TECR: variants seen among roughly 807,000 people sequenced by gnomAD.
The protein encoded by TECR is trans-2,3-enoyl-CoA reductase, also known as very-long-chain enoyl-CoA reductase.
A neutral mutation model predicts 50.6 loss-of-function variants in TECR; 19 were observed. The ratio of observed to expected loss-of-function variants is 0.38; its 90% CI spans 0.26 to 0.55. The LOEUF (loss-of-function observed/expected upper bound fraction) is 0.55. Among genes scored for constraint, TECR ranks in the 20% least tolerant of loss-of-function variants. The probability of loss-of-function intolerance (pLI) is 0.79; values close to 1 mark genes in which losing one functional copy is unlikely to be tolerated. For synonymous variants in TECR, 168 were observed against 163.5 expected (o/e 1.03, Z -0.21); for missense variants, 313 against 408.3 (o/e 0.77, Z 2.01).
chr19:14,558,060 T>G (rs1028708520), intron 1 of TECR, among the ~76,000 whole-genome samples: 5 of 152,154 alleles, frequency 3.3e-5, no homozygotes, highest in African/African-American at 1.2e-4. Flanking sequence ...CGGCCTATAT[T>G]TATCCTTAAT....
rs2073957692 is a variant in TECR, at chr19:14,563,228, C to T, written c.89C>T (p.Ala30Val). The T allele has an allele frequency of 1.3e-5, 21 of 1,613,648 alleles. No homozygotes were observed. The East Asian group carries it at 1.3e-4, about 10-fold the overall frequency. Reference sequence around the variant, plus strand: ...CAGGTGGAGCCCCACGCCACCATTGCGGAGATCAAGAACCTCTTCACTAAG... The same window carrying T: ...CAGGTGGAGCCCCACGCCACCATTGTGGAGATCAAGAACCTCTTCACTAAG... ...LDKVEPHATIAEIKNLFTKTH... is the reference protein window; with the variant it reads ...LDKVEPHATIVEIKNLFTKTH... Residue 30 changes from alanine to valine, a missense_variant, in exon 3 of 13, where the codon GCG (alanine) becomes GTG (valine). By Grantham distance (64) the Ala-to-Val change is moderately conservative. Coordinates refer to ENST00000215567, the MANE Select transcript of TECR (RefSeq NM_138501.6). The surrounding 1 kb of genome is among the most constrained non-coding windows in gnomAD (Gnocchi z 5.3).
At position 14,562,620 on chromosome 19, in the gene TECR, C is replaced by T. The variant is rs745314056; in HGVS notation, c.66+45C>T. The T allele has an allele frequency of 2.9e-5, 46 of 1,608,790 alleles. No homozygotes were observed. In the African/African-American group the frequency reaches 3.7e-4, roughly 13 times the overall value. ...TGCACTGGGCCAAGGGCACTGGGCC[C>T]GGGACCCCAATCCTTATAGCCCAGG... On this transcript the variant is annotated intron_variant, in intron 2 of 12. Coordinates refer to ENST00000215567, the MANE Select transcript of TECR (RefSeq NM_138501.6).
intron 1 of TECR, chr19:14,545,229 C>G (rs1475038959): frequency 2.2e-6 from 1 of 456,614 alleles, no homozygotes; most frequent in Non-Finnish European, 4.4e-6. Flanking sequence ...TGCTGCTTAG[C>G]TGCTCCCCCT....
intron 1 of TECR, among the ~76,000 whole-genome samples, chr19:14,539,393 CAAA>C (rs1205133227): frequency 3.3e-5 from 5 of 152,146 alleles, no homozygotes; most frequent in African/African-American, 9.6e-5. Flanking sequence ...CCTGTTGTGA[CAAA>C]GAATCATCCC....
At chr19:14,539,056 C>A (rs932282915) in intron 1 of TECR, among the ~76,000 whole-genome samples, 1 of 150,182 alleles carries the variant, frequency 6.7e-6, no homozygotes, top group Non-Finnish European at 1.5e-5. Context: ...TCACTGCAAT[C>A]TCCGCCTCCC....
intron 1 of TECR, among the ~76,000 whole-genome samples, chr19:14,549,425 C>A (rs1252800174): frequency 6.6e-6 from 1 of 151,890 alleles, no homozygotes; most frequent in Non-Finnish European, 1.5e-5. Context: ...ATTGGCCAGG[C>A]TAGTCTTGAA....
At chr19:14,560,396 G>T (rs1978624) in intron 1 of TECR, among the ~76,000 whole-genome samples, 65,832 of 152,022 alleles carry the variant, frequency 0.43, 14,679 homozygotes, top group African/African-American at 0.5. Flanking sequence ...GGCACTGCCT[G>T]CCTGGGGCCC....
chr19:14,565,391 G>A, intron 11 of TECR, 101 bp downstream of exon 11: 4 of 1,469,934 alleles, frequency 2.7e-6, no homozygotes, highest in East Asian at 2.4e-5. Flanking sequence ...TGCTTTTGCC[G>A]CCTGCACTGC....
intron 1 of TECR, chr19:14,533,873 C>T (rs2072763954): frequency 6.6e-6 from 1 of 152,098 alleles, no homozygotes; most frequent in South Asian, 2.1e-4. Flanking sequence ...ACTGCTTATC[C>T]TAGGATACAG....
At chr19:14,543,584 G>A (rs1460951059) in intron 1 of TECR, among the ~76,000 whole-genome samples, 11 of 146,114 alleles carry the variant, frequency 7.5e-5, no homozygotes, top group African/African-American at 2.5e-4. Context: ...GACTACAGGC[G>A]CCCGCTACCA....
intron 1 of TECR, chr19:14,529,974 G>T: frequency 1.8e-6 from 1 of 568,328 alleles, no homozygotes; most frequent in Non-Finnish European, 3.2e-6. Flanking sequence ...ACGCTTGCAG[G>T]TTCCTTGCAG....
upstream of TECR, chr19:14,529,353 A>G: frequency 4.2e-6 from 2 of 476,678 alleles, no homozygotes; most frequent in Non-Finnish European, 7.7e-6. Context: ...TGGCAAAGGG[A>G]CGCGCGGGGC....
intron 1 of TECR, among the ~76,000 whole-genome samples, chr19:14,544,395 C>T (rs1468342670): frequency 6.6e-6 from 1 of 152,024 alleles, no homozygotes; most frequent in Non-Finnish European, 1.5e-5. Flanking sequence ...TCTTACGGAG[C>T]ACACAGGACA....
chr19:14,562,355 A>G, intron 1 of TECR, 170 bp from the exon 2 acceptor site: 1 of 727,158 alleles, frequency 1.4e-6, no homozygotes, highest in Non-Finnish European at 2.5e-6. Flanking sequence ...GCTGCTGGCC[A>G]CCGTGGGCAG....
At chr19:14,535,521 A>AT (rs1568396266) in intron 1 of TECR, among the ~76,000 whole-genome samples, 7 of 55,320 alleles carry the variant, frequency 1.3e-4, no homozygotes, top group African/African-American at 6.7e-4. Flanking sequence ...AAAAAAAAAA[A>AT]AAAAAAAAAA....
chr19:14,548,871 A>G (rs1462921643), intron 1 of TECR, among the ~76,000 whole-genome samples: 1 of 152,052 alleles, frequency 6.6e-6, no homozygotes, highest in African/African-American at 2.4e-5. Context: ...CACCGCATCC[A>G]ACCATCTCAG....
upstream of TECR, among the ~76,000 whole-genome samples, chr19:14,528,649 G>C (rs1020103538): frequency 2.6e-5 from 4 of 152,070 alleles, no homozygotes; most frequent in Admixed American, 2.0e-4. Flanking sequence ...GGAGCAAAGT[G>C]TGGAGGGGGG....
At chr19:14,564,408 C>A in intron 7 of TECR, 121 bp downstream of exon 7, 3 of 842,978 alleles carry the variant, frequency 3.6e-6, no homozygotes, top group Non-Finnish European at 5.7e-6. Context: ...AGAGCCCTAC[C>A]CCTAGGCCCC....
At position 14,563,599 on chromosome 19, in the gene TECR, C is replaced by G; in HGVS notation, c.119-59C>G. ...CTGAGAAGCTGGCACAGTGGCTGGG[C>G]AGCGGACCGGCTGAGCCCTGCCAGG... On this transcript the variant is annotated intron_variant, in intron 3 of 12. Transcript: ENST00000215567. The surrounding 1 kb of genome is among the most constrained non-coding windows in gnomAD (Gnocchi z 5.3). 6.2e-7 allele frequency: 1 copy of G among 1,605,422 alleles called. No homozygotes were observed.
Sources: allele counts gnomAD v4.1 joint callset (sites outside exome capture counted in the v4.1 genomes callset), GRCh38; gene constraint gnomAD v4.1.1; non-coding constraint Gnocchi (gnomAD v3.1); transcripts MANE v1.5; gene names NCBI Gene and HGNC (gene_info 2026-07-23, HGNC 2026-07-21).